THEMIS: variants seen among roughly 807,000 people sequenced by gnomAD.
THEMIS encodes thymocyte selection associated, also known as protein THEMIS.
Under a neutral mutation model 52.6 loss-of-function variants are expected in THEMIS, and 37 were observed. That is an observed-to-expected ratio of 0.70 (90% CI 0.54 to 0.93). The LOEUF (loss-of-function observed/expected upper bound fraction) is 0.93. Ranked by LOEUF, THEMIS falls within the 40% of genes least tolerant of loss-of-function variation. THEMIS has a pLI of 0.00. For synonymous variants in THEMIS, 292 were observed against 272.7 expected, an observed-to-expected ratio of 1.07 and a Z score of -0.70; for missense variants, 808 against 763.1, an observed-to-expected ratio of 1.06 and a Z score of -0.69.
chr6:127,720,276 C>G (rs1303504911), intron 4 of THEMIS, among the ~76,000 whole-genome samples: 1 of 151,860 alleles, frequency 6.6e-6, no homozygotes, highest in African/African-American at 2.4e-5. Context: ...ATAAATTAAA[C>G]CACATTTTTA....
At chr6:127,736,769 C>T (rs960217540) in intron 4 of THEMIS, among the ~76,000 whole-genome samples, 5 of 149,546 alleles carry the variant, frequency 3.3e-5, no homozygotes, top group Non-Finnish European at 5.9e-5. Flanking sequence ...GTCTGAGGTG[C>T]GCATCATATT....
chr6:127,830,617 TA>T (rs769022772), intron 2 of THEMIS, among the ~76,000 whole-genome samples: 4 of 151,484 alleles, frequency 2.6e-5, no homozygotes, highest in Non-Finnish European at 5.9e-5. Flanking sequence ...GCTCAGGAGG[TA>T]GAGGTTGTAG....
chr6:127,705,304 C>T (rs1275345065), downstream of THEMIS, among the ~76,000 whole-genome samples: 1 of 152,214 alleles, frequency 6.6e-6, no homozygotes, highest in Non-Finnish European at 1.5e-5. Flanking sequence ...ATCAACTAGT[C>T]TCTGTCCTTA....
chr6:127,732,542 A>G (rs939693373), intron 4 of THEMIS, among the ~76,000 whole-genome samples: 3 of 152,156 alleles, frequency 2.0e-5, no homozygotes, highest in Non-Finnish European at 2.9e-5. Context: ...TCATGCCTCA[A>G]CCTAATCACA....
At chr6:127,803,986 A>G (rs1777620284) in intron 4 of THEMIS, among the ~76,000 whole-genome samples, 1 of 152,180 alleles carries the variant, frequency 6.6e-6, no homozygotes, top group Non-Finnish European at 1.5e-5. Flanking sequence ...AAAATATGAC[A>G]CCATTTCTGG....
chr6:127,813,183 T>G lies in THEMIS; in HGVS notation c.1458A>C (p.Thr486=). Residue 486 remains threonine, a synonymous_variant, in exon 4 of 6, where the codon ACA becomes ACC. Transcript: ENST00000368248. ...TPGLQLEEDI[T]DSYLLISDFA... ...AGTCACTTATGAGTAGGTAAGAGTC[T>G]GTAATGTCCTCCTCCAACTGCAGTC... is the stretch of plus-strand genomic sequence containing the variant. 1 of 1,614,104 alleles carries G rather than the reference T, an allele frequency of 6.2e-7. No individual in the cohort carries two copies. Among genetic ancestry groups the G allele is most frequent in the Non-Finnish European group, 8.5e-7 (1 of 1,180,014 alleles).
At position 127,719,824 on chromosome 6, in the gene THEMIS, C is replaced by T; in HGVS notation, c.1759-1G>A. ...TCTTGGTTATGTCTACGTGATGACG[C>T]TGAAATGACACAGGTCACAAGTAAA... On this transcript the variant is annotated splice_acceptor_variant, in intron 4 of 5. Coordinates refer to ENST00000368248, the MANE Select transcript of THEMIS (RefSeq NM_001010923.3). LOFTEE classifies it high-confidence loss of function. 6.2e-7 allele frequency: 1 copy of T among 1,611,138 alleles called. No homozygotes were observed. Among genetic ancestry groups the T allele is most frequent in the East Asian group, 2.2e-5 (1 of 44,764 alleles).
At chr6:127,802,572 C>A (rs926855917) in intron 4 of THEMIS, among the ~76,000 whole-genome samples, 69 of 152,194 alleles carry the variant, frequency 4.5e-4, no homozygotes, top group African/African-American at 1.6e-3. Context: ...TGATAGGAAG[C>A]CTACTGCATT....
Position 127,812,535 on chromosome 6 carries a change from A to G in THEMIS, c.1758+348T>C, listed in dbSNP as rs562737598. Among the ~76,000 whole-genome samples the G allele has an allele frequency of 4.0e-5, 6 of 151,882 alleles. No individual in the cohort carries two copies. In the South Asian group the frequency reaches 1.3e-3, roughly 32 times the overall value. On this transcript the variant is annotated intron_variant, in intron 4 of 5. Transcript: ENST00000368248. ...GGATGAGGTATTAAATTTTACTTAG[A>G]AAAAAAAATTAACAGAACTTCTAAA...
At chr6:127,873,619 T>C (rs552357535) in intron 1 of THEMIS, among the ~76,000 whole-genome samples, 7 of 152,302 alleles carry the variant, frequency 4.6e-5, no homozygotes, top group South Asian at 2.1e-4. Flanking sequence ...CTAGTACTGG[T>C]TACCCTTAAA....
downstream of THEMIS, among the ~76,000 whole-genome samples, chr6:127,706,480 G>T (rs987308966): frequency 6.6e-6 from 1 of 152,066 alleles, no homozygotes; most frequent in African/African-American, 2.4e-5. Flanking sequence ...ACTTTAATCA[G>T]TTCATTCAGC....
chr6:127,699,905 AT>A, the THEMIS span, among the ~76,000 whole-genome samples: 2 of 151,858 alleles, frequency 1.3e-5, no homozygotes, highest in Non-Finnish European at 2.9e-5. Context: ...TTGGGCAAAT[AT>A]TTTTTTAAAT....
At chr6:127,792,131 C>T (rs1210711198) in intron 4 of THEMIS, among the ~76,000 whole-genome samples, 1 of 152,186 alleles carries the variant, frequency 6.6e-6, no homozygotes. Context: ...CCTGGCTGTG[C>T]CTCCCCCATT....
chr6:127,701,907 A>G, the THEMIS span, among the ~76,000 whole-genome samples: 4 of 152,032 alleles, frequency 2.6e-5, no homozygotes, highest in Non-Finnish European at 5.9e-5. Context: ...TTACTTAATG[A>G]TTTGAAGCAG....
chr6:127,713,006 T>C (rs1200299411), intron 5 of THEMIS, among the ~76,000 whole-genome samples: 2 of 151,872 alleles, frequency 1.3e-5, no homozygotes, highest in Admixed American at 6.6e-5. Flanking sequence ...AAACTTTGAG[T>C]GCCAGTCCCC....
chr6:127,698,684 G>A, the THEMIS span, among the ~76,000 whole-genome samples: 5 of 152,048 alleles, frequency 3.3e-5, no homozygotes, highest in East Asian at 9.6e-4. Context: ...ATATTTCCTA[G>A]AAGCTATATA....
chr6:127,735,922 T>C (rs1197266128), intron 4 of THEMIS, among the ~76,000 whole-genome samples: 5 of 152,216 alleles, frequency 3.3e-5, no homozygotes, highest in Admixed American at 3.3e-4. Context: ...CCTGAAAGCA[T>C]TCATGAAACT....
At chr6:127,820,318 A>T (rs1002307908) in intron 3 of THEMIS, among the ~76,000 whole-genome samples, 2 of 152,102 alleles carry the variant, frequency 1.3e-5, no homozygotes, top group Non-Finnish European at 2.9e-5. Context: ...TTTAAGAATG[A>T]AAAGAAATTA....
intron 1 of THEMIS, among the ~76,000 whole-genome samples, chr6:127,877,587 G>T (rs556879237): frequency 2.8e-4 from 43 of 152,280 alleles, no homozygotes; most frequent in African/African-American, 9.1e-4. Flanking sequence ...AGAAATGGCT[G>T]GTCGAGGGAG....
Sources: allele counts gnomAD v4.1 joint callset (sites outside exome capture counted in the v4.1 genomes callset), GRCh38; gene constraint gnomAD v4.1.1; transcripts MANE v1.5; gene names NCBI Gene and HGNC (gene_info 2026-07-23, HGNC 2026-07-21).